Variants in DNER observed in about 807,000 individuals in gnomAD.
DNER encodes delta/notch like EGF repeat containing, also known as delta and Notch-like epidermal growth factor-related receptor.
A neutral mutation model predicts 78.2 loss-of-function variants in DNER; 33 were observed. That is an observed-to-expected ratio of 0.42 (90% CI 0.32 to 0.56). DNER has a LOEUF of 0.56. Ranked by LOEUF, DNER falls within the 20% of genes least tolerant of loss-of-function variation. The pLI is 0.11. For missense variants in DNER, 918 were observed against 975.3 expected, an observed-to-expected ratio of 0.94 and a Z score of 0.78; for synonymous variants, 417 against 384.8, an observed-to-expected ratio of 1.08 and a Z score of -0.98.
chr2:229,446,257 G>A (rs1183293893), intron 8 of DNER, among the ~76,000 whole-genome samples: 1 of 152,212 alleles, frequency 6.6e-6, no homozygotes, highest in East Asian at 1.9e-4. Context: ...GATTGCTGCT[G>A]ATACAAAAGC....
At chr2:229,549,627 A>T (rs115884449) in intron 4 of DNER, among the ~76,000 whole-genome samples, 4,478 of 152,232 alleles carry the variant, frequency 0.029, 194 homozygotes, top group African/African-American at 0.094. Context: ...TCTTAATAAC[A>T]TAGGCCGGGC....
intron 10 of DNER, among the ~76,000 whole-genome samples, chr2:229,401,943 T>C (rs538107321): frequency 6.6e-6 from 1 of 152,342 alleles, no homozygotes; most frequent in African/African-American, 2.4e-5. Context: ...GATGCTGGAC[T>C]AACTGGATGT....
chr2:229,450,796 T>A (rs1694438580), intron 7 of DNER, among the ~76,000 whole-genome samples: 1 of 152,214 alleles, frequency 6.6e-6, no homozygotes, highest in African/African-American at 2.4e-5. Context: ...ATCCTGAGCT[T>A]CCAGCCTCCA....
chr2:229,634,386 T>C (rs999427133), intron 1 of DNER, among the ~76,000 whole-genome samples: 4 of 152,182 alleles, frequency 2.6e-5, no homozygotes, highest in African/African-American at 9.6e-5. Context: ...TCCACTGTAC[T>C]CTCGCCACAC....
intron 6 of DNER, among the ~76,000 whole-genome samples, chr2:229,495,906 A>T (rs1210270479): frequency 2.6e-5 from 4 of 152,230 alleles, no homozygotes. Flanking sequence ...ACTGCCAACC[A>T]GTATCACCTG....
chr2:229,413,573 A>T (rs6436866), intron 9 of DNER, among the ~76,000 whole-genome samples: 8,387 of 151,146 alleles, frequency 0.055, 758 homozygotes, highest in African/African-American at 0.19. Context: ...TGCCGGCCTC[A>T]GCCTCCCAAA....
rs73998265 is a variant in DNER, at chr2:229,528,886, C to A, written c.994-15950G>T. The stretch of plus-strand genomic sequence containing the variant: ...AGCCTCTGTTCCCATTGGATAATTC[C>A]AGTAAAGAAAATGTCCATGTCCCGG... On this transcript the variant is annotated intron_variant, in intron 5 of 12. Coordinates refer to ENST00000341772, the MANE Select transcript of DNER (RefSeq NM_139072.4). Among the ~76,000 whole-genome samples the A allele has an allele frequency of 4.7e-3, 713 of 152,260 alleles. 7 individuals are homozygous for A. Among genetic ancestry groups the A allele is most frequent in the African/African-American group, 0.016 (673 of 41,542 alleles).
intron 8 of DNER, among the ~76,000 whole-genome samples, chr2:229,438,393 C>T (rs1427603959): frequency 2.0e-5 from 3 of 152,308 alleles, no homozygotes; most frequent in Non-Finnish European, 2.9e-5. Flanking sequence ...CAGGTTTGCA[C>T]CTAACTTGGG....
chr2:229,557,343 C>T (rs1470298405), intron 4 of DNER, among the ~76,000 whole-genome samples: 2 of 152,194 alleles, frequency 1.3e-5, no homozygotes, highest in Non-Finnish European at 2.9e-5. Context: ...ATAGTTGCTG[C>T]TGCATAGAGG....
chr2:229,385,210 C>T (rs1692837574), intron 11 of DNER, among the ~76,000 whole-genome samples: 1 of 151,832 alleles, frequency 6.6e-6, no homozygotes, highest in Admixed American at 6.6e-5. Flanking sequence ...TTAAACACAA[C>T]CAATGATAAA....
chr2:229,524,330 T>C (rs1350548889), intron 5 of DNER, among the ~76,000 whole-genome samples: 1 of 152,200 alleles, frequency 6.6e-6, no homozygotes, highest in Non-Finnish European at 1.5e-5. Flanking sequence ...ACTTCCGTAA[T>C]AGGAGAAAAT....
chr2:229,504,349 A>G (rs1987684), intron 6 of DNER, among the ~76,000 whole-genome samples: 88,797 of 151,788 alleles, frequency 0.59, 27,487 homozygotes, highest in African/African-American at 0.81. Context: ...CCTCCCAAGT[A>G]ACTAAGATTA....
chr2:229,420,406 T>C (rs994403773), intron 8 of DNER, among the ~76,000 whole-genome samples: 4 of 152,226 alleles, frequency 2.6e-5, no homozygotes, highest in Non-Finnish European at 5.9e-5. Context: ...GTTCCTTTGT[T>C]ATGCAGAACC....
chr2:229,476,190 G>A (rs1695032221), intron 7 of DNER, among the ~76,000 whole-genome samples: 1 of 152,124 alleles, frequency 6.6e-6, no homozygotes, highest in Admixed American at 6.5e-5. Flanking sequence ...GCCCAAGTGA[G>A]CAGGAAGACA....
At chr2:229,460,221 C>T (rs1694666840) in intron 7 of DNER, among the ~76,000 whole-genome samples, 1 of 148,906 alleles carries the variant, frequency 6.7e-6, no homozygotes, top group African/African-American at 2.5e-5. Context: ...CATGTGCTAC[C>T]AACTCCTTAT....
At chr2:229,461,008 T>C (rs1483732071) in intron 7 of DNER, among the ~76,000 whole-genome samples, 1 of 152,066 alleles carries the variant, frequency 6.6e-6, no homozygotes, top group Non-Finnish European at 1.5e-5. Flanking sequence ...CATCCCTGTG[T>C]TGGAGTTACA....
chr2:229,662,634 T>A (rs1699026956), intron 1 of DNER, among the ~76,000 whole-genome samples: 1 of 152,030 alleles, frequency 6.6e-6, no homozygotes, highest in African/African-American at 2.4e-5. Context: ...CAGGCTAAGG[T>A]TTCCATATAA....
intron 11 of DNER, among the ~76,000 whole-genome samples, chr2:229,381,499 A>C (rs1394292238): frequency 6.6e-6 from 1 of 152,126 alleles, no homozygotes; most frequent in African/African-American, 2.4e-5. Flanking sequence ...TCCCACCCCC[A>C]CGGAGCCCAG....
At chr2:229,439,772 C>T (rs1455789829) in intron 8 of DNER, among the ~76,000 whole-genome samples, 1 of 152,176 alleles carries the variant, frequency 6.6e-6, no homozygotes, top group Non-Finnish European at 1.5e-5. Flanking sequence ...GGCAGGGCTG[C>T]AAAACGAGCT....
Sources: gnomAD v4.1 joint callset for allele counts (sites outside exome capture counted in the v4.1 genomes callset) on GRCh38, gnomAD v4.1.1 for gene constraint, MANE v1.5 for transcripts, NCBI Gene and HGNC (gene_info 2026-07-23, HGNC 2026-07-21) for gene names.